The following VPS13C variants were observed in gnomAD, a reference collection of about 807,000 sequenced individuals.
VPS13C encodes vacuolar protein sorting 13 homolog C, also known as intermembrane lipid transfer protein VPS13C.
A neutral mutation model predicts 456.8 loss-of-function variants in VPS13C; 358 were observed. That is an observed-to-expected ratio of 0.78 (90% confidence interval 0.72 to 0.86). The LOEUF is 0.86. Among genes scored for constraint, VPS13C ranks in the 40% least tolerant of loss-of-function variants. The pLI, the probability that VPS13C is intolerant of heterozygous loss-of-function variation, is 0.00. For missense variants in VPS13C, 4,818 were observed against 4,385.4 expected, an observed-to-expected ratio of 1.10 and a Z score of -2.79; for synonymous variants, 1,578 against 1,486.7, an observed-to-expected ratio of 1.06 and a Z score of -1.41.
At chr15:61,887,255 T>C (rs1394327743) in intron 67 of VPS13C, among the ~76,000 whole-genome samples, 1 of 152,070 alleles carries the variant, frequency 6.6e-6, no homozygotes, top group Non-Finnish European at 1.5e-5. Flanking sequence ...CAATAAACAA[T>C]TGAAATTTAA....
rs774613204 is a variant in VPS13C, at chr15:61,954,488, G to A, written c.4232C>T (p.Thr1411Ile). 6.2e-7 allele frequency: 1 copy of A among 1,609,624 alleles called. No individual in the cohort carries two copies. Among genetic ancestry groups the A allele is most frequent in the Non-Finnish European group, 8.5e-7 (1 of 1,178,142 alleles). Reference protein sequence around the residue: ...QDVHDSKNTLTTGVEEIRSVD... With the variant: ...QDVHDSKNTLITGVEEIRSVD... ...AGACCTAATTTCTTCCACTCCAGTT[G>A]TTAAAGTATTTTTTGAATCATGTAC... Residue 1411 changes from threonine to isoleucine, a missense_variant, in exon 38 of 85, where the codon ACA becomes ATA. By Grantham distance (89) the Thr-to-Ile change is moderately conservative. Around this residue, in one of 3 missense-constraint regions of VPS13C, gnomAD observed 4,552 missense variants for 4,130.6 expected, o/e 1.10. Coordinates refer to ENST00000644861, the MANE Select transcript of VPS13C (RefSeq NM_020821.3).
At chr15:61,933,714 C>A (rs529185258) in intron 49 of VPS13C, among the ~76,000 whole-genome samples, 1 of 152,072 alleles carries the variant, frequency 6.6e-6, no homozygotes, top group South Asian at 2.1e-4. Context: ...TGGCATAAGA[C>A]CTTGGCTCTT....
intron 3 of VPS13C, among the ~76,000 whole-genome samples, chr15:62,037,342 A>ATATT (rs1215643019): frequency 1.1e-5 from 1 of 89,758 alleles, no homozygotes. Context: ...ATTTATATAT[A>ATATT]ATATATTATA....
chr15:61,969,429 C>T lies in VPS13C; in HGVS notation c.2781G>A (p.Gln927=), dbSNP rs759959675. Residue 927 remains glutamine (Q), a synonymous_variant, in exon 28 of 85, where the codon CAG becomes CAA. Transcript: ENST00000644861. Reference sequence around the variant, plus strand: ...CTAGAATTGTATCTTCTTCTTTCTGCTGTTTAGTAAATTCCAAAATCACCT... The same window carrying T: ...CTAGAATTGTATCTTCTTCTTTCTGTTGTTTAGTAAATTCCAAAATCACCT... ...IKEVILEFTK[Q]QKEEDTILVF... The T allele has an allele frequency of 1.7e-5, 26 of 1,557,004 alleles. No homozygotes were observed. The South Asian group carries it at 2.9e-4, about 18-fold the overall frequency.
chr15:62,057,104 C>G (rs930609979), intron 1 of VPS13C, among the ~76,000 whole-genome samples: 2 of 152,036 alleles, frequency 1.3e-5, no homozygotes, highest in African/African-American at 4.8e-5. Flanking sequence ...CTCTCGTCGC[C>G]GCACACAGGG....
rs545101118 is a variant in VPS13C at position 61,954,239 on chromosome 15, T to C, written c.4299+182A>G. 2.1e-4 allele frequency among the ~76,000 whole-genome samples: 32 copies of C among 152,320 alleles called. No individual in the cohort carries two copies. The South Asian group carries it at 4.1e-3, about 20-fold the overall frequency. ...ATACAACATGCTGTCATTTTCTCTA[T>C]GAAATATTATAAACTCCCAAATCCT... is the stretch of plus-strand genomic sequence containing the variant. On this transcript the variant is annotated intron_variant, in intron 38 of 84. Transcript: ENST00000644861.
Position 61,963,960 on chromosome 15 carries a change from A to G in VPS13C, c.3215-9T>C. On this transcript the variant is annotated splice_polypyrimidine_tract_variant and intron_variant, in intron 31 of 84. Coordinates refer to ENST00000644861, the MANE Select transcript of VPS13C (RefSeq NM_020821.3). ...TCTGGAGGATACAATCGCTAAAAAT[A>G]AAACAAAGCATCTGTCACATGGTGA... 1 of 1,534,376 alleles carries G rather than the reference A, an allele frequency of 6.5e-7. No individual in the cohort carries two copies. The highest frequency in any genetic ancestry group is 1.1e-5 in the South Asian group (1 of 87,952).
intron 8 of VPS13C, among the ~76,000 whole-genome samples, chr15:62,021,050 A>AACAAACT (rs548774265): frequency 8.8e-4 from 134 of 152,022 alleles, no homozygotes; most frequent in African/African-American, 2.6e-3. Flanking sequence ...GAAGCAGAAA[A>AACAAACT]ACAAACTGCA....
intron 16 of VPS13C, among the ~76,000 whole-genome samples, chr15:61,995,550 T>G (rs2046355873): frequency 6.6e-6 from 1 of 152,224 alleles, no homozygotes; most frequent in Non-Finnish European, 1.5e-5. Context: ...CTGCTGCAGT[T>G]TCTCTCTTCT....
chr15:62,018,699 T>C (rs937975419), intron 9 of VPS13C, among the ~76,000 whole-genome samples: 7 of 152,082 alleles, frequency 4.6e-5, no homozygotes, highest in Admixed American at 6.5e-5. Flanking sequence ...CAGTATTTTA[T>C]TGAGGATTTT....
intron 15 of VPS13C, among the ~76,000 whole-genome samples, chr15:62,004,886 T>C (rs932725784): frequency 1.3e-5 from 2 of 152,208 alleles, no homozygotes; most frequent in East Asian, 3.9e-4. Flanking sequence ...ATCTGAGAGA[T>C]AGTTTGCTAT....
At chr15:61,993,872 T>A (rs930818421) in intron 16 of VPS13C, among the ~76,000 whole-genome samples, 4 of 152,160 alleles carry the variant, frequency 2.6e-5, no homozygotes, top group African/African-American at 9.7e-5. Flanking sequence ...TATGTAGATG[T>A]AAGCACTGGG....
chr15:62,010,726 C>A, intron 12 of VPS13C, 127 bp from the exon 13 acceptor site: 1 of 1,003,544 alleles, frequency 1.0e-6, no homozygotes, highest in Non-Finnish European at 1.3e-6. Flanking sequence ...GTAACAAAAT[C>A]ACTACCAAAA....
Position 61,867,398 on chromosome 15 carries a change from G to T in VPS13C, c.10863+1261C>A. On this transcript the variant is annotated intron_variant, in intron 81 of 84. Coordinates refer to ENST00000644861, the MANE Select transcript of VPS13C (RefSeq NM_020821.3). This position sits in a 1 kb window ranked among gnomAD's most constrained non-coding sequence, Gnocchi z 5.0. The stretch of plus-strand genomic sequence containing the variant: ...ATGTGCCAACTATTTATTACTTGAG[G>T]TCTAAGGGCAGGCTCAGAGCAACTG... 1.0e-6 allele frequency: 1 copy of T among 985,810 alleles called. No homozygotes were observed. Among genetic ancestry groups the T allele is most frequent in the Non-Finnish European group, 1.2e-6 (1 of 830,288 alleles). 61.1% of individuals were successfully genotyped at this position (985,810 alleles called of 1,614,324 possible). A position where few individuals can be genotyped will look rare whatever the true frequency, so the allele number is the denominator to read the frequency against.
intron 15 of VPS13C, among the ~76,000 whole-genome samples, chr15:62,002,015 G>T (rs575675621): frequency 6.6e-6 from 1 of 152,148 alleles, no homozygotes; most frequent in South Asian, 2.1e-4. Flanking sequence ...ATGATTTATA[G>T]TCCTTTGGGT....
chr15:61,874,357 G>T, intron 77 of VPS13C, among the ~76,000 whole-genome samples: 1 of 151,936 alleles, frequency 6.6e-6, no homozygotes. Flanking sequence ...ACAAAGAAAT[G>T]ATAAATGTTC....
chr15:61,952,525 T>TTGTG (rs911004613), intron 38 of VPS13C, among the ~76,000 whole-genome samples: 1 of 151,798 alleles, frequency 6.6e-6, no homozygotes, highest in Non-Finnish European at 1.5e-5. Flanking sequence ...GTATGTGTGT[T>TTGTG]TGTGTGTGTG....
rs35381809 is a variant in VPS13C, at chr15:61,996,998, C to CATATATATAT, written c.1353+3556_1353+3565dup. On this transcript the variant is annotated intron_variant, in intron 16 of 84. Transcript: ENST00000644861. ...CTTGCCTATATATTTTACATACATA[C>CATATATATAT]ATATATATATATATGTATAGAATAT... Among the ~76,000 whole-genome samples the CATATATATAT allele has an allele frequency of 8.1e-3, 1,178 of 145,552 alleles. 22 individuals are homozygous for CATATATATAT. The highest frequency in any genetic ancestry group is 0.026 in the African/African-American group (987 of 38,300).
intron 81 of VPS13C, chr15:61,865,569 CGTATATATGT>C (rs1894487490): frequency 2.5e-6 from 2 of 801,326 alleles, no homozygotes; most frequent in African/African-American, 3.8e-5. Context: ...TGTATGTTTG[CGTATATATGT>C]GTGTATATGT....
Sources: gnomAD v4.1 joint callset for allele counts (sites outside exome capture counted in the v4.1 genomes callset) on GRCh38, gnomAD v4.1.1 for gene constraint, gnomAD v4.1.1 regional missense constraint, Gnocchi (gnomAD v3.1) non-coding constraint, MANE v1.5 for transcripts, NCBI Gene and HGNC (gene_info 2026-07-23, HGNC 2026-07-21) for gene names.